The following CAST variants were observed in gnomAD, a reference collection of about 807,000 sequenced individuals.
The protein encoded by CAST is MIR583 host.
A neutral mutation model predicts 119.6 loss-of-function variants in CAST; 76 were observed. The observed-to-expected ratio is 0.64, with a 90% CI of 0.53 to 0.77. The LOEUF is 0.77. Ranked by LOEUF, CAST falls within the 30% of genes least tolerant of loss-of-function variation. The pLI, the probability that CAST is intolerant of heterozygous loss-of-function variation, is 0.00. For synonymous variants in CAST, 319 were observed against 331.6 expected, an observed-to-expected ratio of 0.96 and a Z score of 0.41; for missense variants, 953 against 946.5, an observed-to-expected ratio of 1.01 and a Z score of -0.09.
At chr5:96,525,860 T>G (rs575356089), upstream of CAST, among the ~76,000 whole-genome samples, 43 of 152,214 alleles carry the variant, frequency 2.8e-4, no homozygotes, top group Non-Finnish European at 5.4e-4. Flanking sequence ...TAAACCTAAT[T>G]GTCAACATGA....
chr5:96,411,221 A>G, the CAST span, among the ~76,000 whole-genome samples: 1 of 152,210 alleles, frequency 6.6e-6, no homozygotes, highest in Non-Finnish European at 1.5e-5. Flanking sequence ...AGGGCTGAGC[A>G]CACGCTTTTC....
chr5:96,709,197 C>T (rs1279451543), intron 3 of CAST, among the ~76,000 whole-genome samples: 1 of 152,220 alleles, frequency 6.6e-6, no homozygotes, highest in East Asian at 1.9e-4. Flanking sequence ...AGAAAGAAAG[C>T]TGCCTTACCA....
the CAST span, among the ~76,000 whole-genome samples, chr5:96,218,311 C>T: frequency 1.3e-5 from 2 of 152,086 alleles, no homozygotes; most frequent in African/African-American, 2.4e-5. Context: ...GGAAGGAGAT[C>T]ATAATGAAGC....
intron 3 of CAST, among the ~76,000 whole-genome samples, chr5:96,721,214 G>C (rs2150398314): frequency 6.6e-6 from 1 of 152,232 alleles, no homozygotes; most frequent in Non-Finnish European, 1.5e-5. Context: ...GTGTATTTTG[G>C]TGGAAGGGAG....
chr5:96,141,726 C>T, the CAST span, among the ~76,000 whole-genome samples: 2 of 152,214 alleles, frequency 1.3e-5, no homozygotes, highest in Non-Finnish European at 2.9e-5. Context: ...AGAAGTCCTA[C>T]AGCTTGTAAA....
chr5:96,267,739 T>C, the CAST span, among the ~76,000 whole-genome samples: 2 of 152,074 alleles, frequency 1.3e-5, no homozygotes, highest in African/African-American at 2.4e-5. Flanking sequence ...TTTGGAAGAA[T>C]AAAACCCATA....
At chr5:96,322,591 G>A in the CAST span, among the ~76,000 whole-genome samples, 1 of 152,110 alleles carries the variant, frequency 6.6e-6, no homozygotes. Flanking sequence ...CTTGGGAAGG[G>A]CCCAGCAATT....
the CAST span, among the ~76,000 whole-genome samples, chr5:96,497,782 T>G: frequency 1.3e-5 from 2 of 152,214 alleles, no homozygotes; most frequent in African/African-American, 4.8e-5. Flanking sequence ...GATGAGTAGG[T>G]TGCAAAAATT....
At chr5:96,622,749 G>C (rs1483336644) in intron 1 of CAST, among the ~76,000 whole-genome samples, 1 of 151,576 alleles carries the variant, frequency 6.6e-6, no homozygotes, top group African/African-American at 2.4e-5. Flanking sequence ...ACATATAAGA[G>C]AGTTTAATAA....
At chr5:95,966,324 C>A in the CAST span, among the ~76,000 whole-genome samples, 1 of 152,088 alleles carries the variant, frequency 6.6e-6, no homozygotes, top group African/African-American at 2.4e-5. Context: ...TGAAAGGAAT[C>A]GCTTATCTGA....
intron 1 of CAST, among the ~76,000 whole-genome samples, chr5:96,586,080 A>T (rs929153270): frequency 1.2e-4 from 19 of 152,108 alleles, no homozygotes; most frequent in African/African-American, 4.6e-4. Context: ...ATTTTTCACC[A>T]GCTCATTTAT....
the CAST span, among the ~76,000 whole-genome samples, chr5:96,046,942 A>G: frequency 2.6e-5 from 4 of 152,266 alleles, no homozygotes; most frequent in East Asian, 7.7e-4. Context: ...ACCAGCCCCC[A>G]TGATTCAATT....
the CAST span, among the ~76,000 whole-genome samples, chr5:96,352,825 C>T: frequency 6.6e-6 from 1 of 152,044 alleles, no homozygotes; most frequent in Non-Finnish European, 1.5e-5. Context: ...TGAGTGAGTT[C>T]TCATGAGACC....
the CAST span, among the ~76,000 whole-genome samples, chr5:96,101,599 T>A: frequency 1.3e-5 from 2 of 152,190 alleles, no homozygotes; most frequent in East Asian, 3.9e-4. Flanking sequence ...GTTGTAGGAC[T>A]TTTTCTTGAT....
At chr5:96,487,653 C>T in the CAST span, among the ~76,000 whole-genome samples, 2 of 152,366 alleles carry the variant, frequency 1.3e-5, no homozygotes, top group African/African-American at 4.8e-5. Context: ...CTTTGGATAG[C>T]CACTGGCCTC....
the CAST span, among the ~76,000 whole-genome samples, chr5:96,468,753 G>A: frequency 1.1e-4 from 16 of 152,180 alleles, no homozygotes; most frequent in East Asian, 1.5e-3. Context: ...TTGTGTTTGT[G>A]CATTCAGTGG....
chr5:96,147,045 G>C, the CAST span, among the ~76,000 whole-genome samples: 1 of 152,174 alleles, frequency 6.6e-6, no homozygotes, highest in Admixed American at 6.5e-5. Flanking sequence ...AGCCCTACCT[G>C]TCTCTACCAC....
chr5:96,035,075 A>ATATATATATATATTTAAG, the CAST span, among the ~76,000 whole-genome samples: 33 of 143,114 alleles, frequency 2.3e-4, no homozygotes, highest in African/African-American at 8.0e-4. Flanking sequence ...TTAAGTATAT[A>ATATATATATATATTTAAG]TATATATATA....
the CAST span, among the ~76,000 whole-genome samples, chr5:96,354,172 A>G: frequency 6.6e-6 from 1 of 152,192 alleles, no homozygotes; most frequent in African/African-American, 2.4e-5. Flanking sequence ...AGTCTCCTGA[A>G]CCAAGTGAGA....
Sources: allele counts gnomAD v4.1 joint callset (sites outside exome capture counted in the v4.1 genomes callset), GRCh38; gene constraint gnomAD v4.1.1; transcripts MANE v1.5; gene names NCBI Gene and HGNC (gene_info 2026-07-23, HGNC 2026-07-21).